Variants in PLIN1 observed in about 807,000 individuals in gnomAD.
PLIN1 encodes perilipin-1.
PLIN1 carries 37 observed loss-of-function variants against 45.8 expected under a neutral mutation model. The ratio of observed to expected loss-of-function variants is 0.81; its 90% CI spans 0.62 to 1.06. PLIN1 has a LOEUF of 1.06. PLIN1 is among the 50% of genes least tolerant of loss of function. The pLI, the probability that PLIN1 is intolerant of heterozygous loss-of-function variation, is 0.00. For synonymous variants in PLIN1, 340 were observed against 309.2 expected (o/e 1.10, Z -1.05); for missense variants, 776 against 716.5 (o/e 1.08, Z -0.95).
chr15:89,671,864 C>T (rs1964446474), intron 3 of PLIN1, among the ~76,000 whole-genome samples: 1 of 152,254 alleles, frequency 6.6e-6, no homozygotes, highest in Non-Finnish European at 1.5e-5. Context: ...CTGTCTGAGC[C>T]TCTGCTTCCT....
intron 6 of PLIN1, 28 bp from the exon 7 acceptor site, chr15:89,667,821 G>A (rs757263349): frequency 6.5e-7 from 1 of 1,544,006 alleles, no homozygotes; most frequent in Non-Finnish European, 8.7e-7. Context: ...CAGATAGCTG[G>A]CTCAACTGCC....
At chr15:89,670,312 G>A in intron 4 of PLIN1, 68 bp from the exon 5 acceptor site, 4 of 1,527,532 alleles carry the variant, frequency 2.6e-6, no homozygotes, top group East Asian at 2.3e-5. Flanking sequence ...CCCTTCCGGG[G>A]TCTGGTGGCC....
In PLIN1 at chr15:89,667,695, G is replaced by A. The variant is rs775295801; in HGVS notation, c.870C>T (p.Ala290=). The A allele has an allele frequency of 2.0e-5, 32 of 1,593,244 alleles. No individual in the cohort carries two copies. In the South Asian group the frequency reaches 3.5e-4, roughly 17 times the overall value. ...RVPWLHSLAA[A]QEEDHEDQTD... is the part of the protein sequence containing the mutation. ...TCTGGTCCTCATGATCCTCCTCCTGGGCGGCTGCGAGGCTGTGCAGCCAGG... is the reference window on the plus strand; with the variant it reads ...TCTGGTCCTCATGATCCTCCTCCTGAGCGGCTGCGAGGCTGTGCAGCCAGG... Residue 290 remains alanine, a synonymous_variant, in exon 7 of 9, where the codon GCC becomes GCT. Transcript: ENST00000300055.
chr15:89,676,235 GT>G (rs796344388), intron 2 of PLIN1, among the ~76,000 whole-genome samples: 21 of 151,104 alleles, frequency 1.4e-4, no homozygotes, highest in Middle Eastern at 3.4e-3. Context: ...CAATATCTTA[GT>G]TTTTTTTTGT....
intron 2 of PLIN1, among the ~76,000 whole-genome samples, chr15:89,675,155 C>T (rs1244538075): frequency 6.6e-6 from 1 of 152,094 alleles, no homozygotes; most frequent in Admixed American, 6.5e-5. Context: ...AAAGACAGCA[C>T]TCTGGGTGCG....
At chr15:89,675,964 G>A (rs1025682402) in intron 2 of PLIN1, among the ~76,000 whole-genome samples, 1 of 152,058 alleles carries the variant, frequency 6.6e-6, no homozygotes, top group Non-Finnish European at 1.5e-5. Flanking sequence ...CATGGTCTTC[G>A]GGGCTAATAA....
Position 89,667,011 on chromosome 15 carries a change from C to T in PLIN1, c.1134G>A (p.Gly378=). The T allele has an allele frequency of 2.5e-6, 4 of 1,614,136 alleles. No individual in the cohort carries two copies. The highest frequency in any genetic ancestry group is 3.4e-6 in the Non-Finnish European group (4 of 1,179,998). The change falls in exon 8 of 9, where the codon GGG becomes GGA. Residue 378 remains glycine, a synonymous_variant. Coordinates refer to ENST00000300055, the MANE Select transcript of PLIN1 (RefSeq NM_002666.5). ...GGGCATCTGATAGGGACATGGCCCT[C>T]CCCTTGGTTGAGGAGACAGCAGGGG... ...TPAPAVSSTK[G]RAMSLSDALK... is the part of the protein sequence containing the mutation.
rs925542527 is a variant in PLIN1, at chr15:89,667,107, G to A, written c.1038C>T (p.Thr346=). ...AHTLQKTLQT[T]ISAVTWAPAA... ...CAGGTGCCCATGTCACAGCCGAGATGGTGGTCTGGAGGGTCTTCTGCAGGG... is the reference window on the plus strand; with the variant it reads ...CAGGTGCCCATGTCACAGCCGAGATAGTGGTCTGGAGGGTCTTCTGCAGGG... Residue 346 remains threonine (T), a synonymous_variant, in exon 8 of 9, where the codon ACC becomes ACT. Coordinates refer to ENST00000300055, the MANE Select transcript of PLIN1 (RefSeq NM_002666.5). The A allele has an allele frequency of 6.2e-7, 1 of 1,614,074 alleles. No individual in the cohort carries two copies. Among genetic ancestry groups the A allele is most frequent in the Admixed American group, 1.7e-5 (1 of 60,030 alleles).
At chr15:89,671,896 T>C (rs1452112210) in intron 3 of PLIN1, among the ~76,000 whole-genome samples, 5 of 152,232 alleles carry the variant, frequency 3.3e-5, no homozygotes, top group South Asian at 4.1e-4. Flanking sequence ...GGTGAATTAA[T>C]GGTGCCTGCC....
At chr15:89,676,436 A>AC (rs1964517631) in intron 2 of PLIN1, among the ~76,000 whole-genome samples, 4 of 151,972 alleles carry the variant, frequency 2.6e-5, no homozygotes, top group South Asian at 2.1e-4. Flanking sequence ...TTTAGTAGAG[A>AC]TGGGGTTTCA....
At chr15:89,666,182 C>A (rs1964337340) in intron 8 of PLIN1, among the ~76,000 whole-genome samples, 1 of 152,224 alleles carries the variant, frequency 6.6e-6, no homozygotes, top group Admixed American at 6.5e-5. Context: ...GTTTCAGGAT[C>A]CCCTAGGCCT....
Position 89,665,716 on chromosome 15 carries a change from G to T in PLIN1, c.1436C>A (p.Ala479Glu). The change falls in exon 9 of 9, where the codon GCG becomes GAG. Residue 479 changes from alanine to glutamate, a missense_variant. Physicochemically the swap from Ala to Glu is moderately radical, Grantham distance 107 (BLOSUM62 -1). Coordinates refer to ENST00000300055, the MANE Select transcript of PLIN1 (RefSeq NM_002666.5). ...GLEDEVATPA[A>E]PRPGFPAVPR... ...CACGGCCGGGAAGCCCGGGCGCGGC[G>T]CTGCGGGCGTGGCGACTTCGTCCTC... is the stretch of plus-strand genomic sequence containing the variant. 6.8e-7 allele frequency: 1 copy of T among 1,463,470 alleles called. No individual in the cohort carries two copies. 90.7% of individuals were successfully genotyped at this position (1,463,470 alleles called of 1,614,324 possible).
At chr15:89,677,604 TG>T in intron 1 of PLIN1, 101 bp from the exon 2 acceptor site, 2 of 956,392 alleles carry the variant, frequency 2.1e-6, no homozygotes, top group South Asian at 2.6e-5. Context: ...CCAGGCTGCC[TG>T]GGGGCCCATT....
At chr15:89,670,331 G>T in intron 4 of PLIN1, 87 bp from the exon 5 acceptor site, 1 of 1,416,626 alleles carries the variant, frequency 7.1e-7, no homozygotes, top group Admixed American at 2.1e-5. Context: ...CCTGAGCCCA[G>T]CTCCCAGGAA....
At chr15:89,670,765 T>C (rs1460665790) in intron 4 of PLIN1, among the ~76,000 whole-genome samples, 1 of 152,194 alleles carries the variant, frequency 6.6e-6, no homozygotes, top group Non-Finnish European at 1.5e-5. Flanking sequence ...CCTGCTCTCA[T>C]TGTCCCCACT....
rs761515059 is a variant in PLIN1 at position 89,665,934 on chromosome 15, C to T, written c.1218G>A (p.Arg406=). 3.3e-6 allele frequency: 5 copies of T among 1,520,448 alleles called. No homozygotes were observed. The highest frequency in any genetic ancestry group is 1.8e-4 in the Middle Eastern group (1 of 5,486). 94.2% of individuals were successfully genotyped at this position (1,520,448 alleles called of 1,614,324 possible). ...DTVVHYVPLP[R]LSLMEPESEF... is the part of the protein sequence containing the mutation. ...CGCTCTCGGGCTCCATCAGCGACAG[C>T]CTGGGGAGCTGAGGGCCCGGCAGCC... Residue 406 remains arginine, a synonymous_variant, in exon 9 of 9, where the codon AGG becomes AGA. Coordinates refer to ENST00000300055, the MANE Select transcript of PLIN1 (RefSeq NM_002666.5).
At chr15:89,676,461 A>C (rs1042546188) in intron 2 of PLIN1, among the ~76,000 whole-genome samples, 3 of 152,004 alleles carry the variant, frequency 2.0e-5, no homozygotes, top group African/African-American at 4.8e-5. Context: ...GTTAGCCAGG[A>C]TGGTCTTGAT....
chr15:89,665,608 TA>T lies in PLIN1; in HGVS notation c.1543del (p.Tyr515ThrfsTer26). 6.5e-7 allele frequency: 1 copy of T among 1,530,410 alleles called. No homozygotes were observed. The highest frequency in any genetic ancestry group is 8.8e-7 in the Non-Finnish European group (1 of 1,141,120). 94.8% of individuals were successfully genotyped at this position (1,530,410 alleles called of 1,614,324 possible). On this transcript the variant is annotated frameshift_variant, in exon 9 of 9. Coordinates refer to ENST00000300055, the MANE Select transcript of PLIN1 (RefSeq NM_002666.5). LOFTEE classifies it high-confidence loss of function. ...TCAGCTCTTCTTGCGCAGCTGGCTG[TA>T]ATGCGTGCGGCCCAGGATGGGCTCC... ...VMEPILGRTH[Y>X]SQLRKKS is the part of the protein sequence containing the mutation.
At chr15:89,670,791 G>A (rs984235831) in intron 4 of PLIN1, among the ~76,000 whole-genome samples, 31 of 152,130 alleles carry the variant, frequency 2.0e-4, no homozygotes, top group South Asian at 4.1e-4. Context: ...CTGTGTGGCC[G>A]TGGGGGAGAC....
Sources: allele counts gnomAD v4.1 joint callset (sites outside exome capture counted in the v4.1 genomes callset), GRCh38; gene constraint gnomAD v4.1.1; transcripts MANE v1.5; gene names NCBI Gene and HGNC (gene_info 2026-07-23, HGNC 2026-07-21).